Variants in FBXL18 observed in about 807,000 individuals in gnomAD.
FBXL18 encodes the protein F-box/LRR-repeat protein 18.
In FBXL18, 36 loss-of-function variants were observed where a neutral mutation model predicts 46.0. That is an observed-to-expected ratio of 0.78 (90% CI 0.60 to 1.03). The LOEUF (loss-of-function observed/expected upper bound fraction) is 1.03. Ranked by LOEUF, FBXL18 falls within the 50% of genes least tolerant of loss-of-function variation. The probability of loss-of-function intolerance (pLI) is 0.00; values close to 1 mark genes in which losing one functional copy is unlikely to be tolerated. For missense variants in FBXL18, 977 were observed against 1,004.1 expected, an observed-to-expected ratio of 0.97 and a Z score of 0.36; for synonymous variants, 557 against 465.3, an observed-to-expected ratio of 1.20 and a Z score of -2.54.
chr7:5,482,738 T>C (rs1281153104), intron 4 of FBXL18, among the ~76,000 whole-genome samples: 3 of 150,542 alleles, frequency 2.0e-5, no homozygotes, highest in Non-Finnish European at 4.4e-5. Flanking sequence ...CTGGCCCTCC[T>C]AGGCCAAAAT....
intron 1 of FBXL18, among the ~76,000 whole-genome samples, chr7:5,507,578 G>A (rs1188780719): frequency 2.6e-5 from 4 of 152,182 alleles, no homozygotes; most frequent in Non-Finnish European, 4.4e-5. Context: ...ACCCACACCT[G>A]TAATCCCAGC....
chr7:5,458,817 T>C (rs1449045459), intron 4 of FBXL18, among the ~76,000 whole-genome samples: 1 of 151,940 alleles, frequency 6.6e-6, no homozygotes, highest in Non-Finnish European at 1.5e-5. Flanking sequence ...AGAGCAGAAA[T>C]GTCAACGCTG....
chr7:5,456,642 A>G (rs1381252387), intron 4 of FBXL18, among the ~76,000 whole-genome samples: 1 of 151,228 alleles, frequency 6.6e-6, no homozygotes, highest in African/African-American at 2.4e-5. Context: ...AGGTATGGAA[A>G]AAAAAAAAAA....
rs372438654 is a variant in FBXL18, at chr7:5,491,630, G to A, written c.1782-181C>T. Among the ~76,000 whole-genome samples the A allele has an allele frequency of 2.0e-5, 3 of 152,198 alleles. No homozygotes were observed. In the East Asian group the frequency reaches 5.8e-4, roughly 29 times the overall value. On this transcript the variant is annotated intron_variant, in intron 3 of 4. Coordinates refer to ENST00000382368, the MANE Select transcript of FBXL18 (RefSeq NM_024963.6). The stretch of plus-strand genomic sequence containing the variant: ...CTGGGTGCCGACTCAGGCCCCCAGG[G>A]TCCCCCTTGGAGATCTGATTTGGAG...
Position 5,462,950 on chromosome 7 carries a change from C to CAAAAAAAAAAAAAAAAAAAA in FBXL18, c.2001-15127_2001-15108dup, listed in dbSNP as rs138208570. Among the ~76,000 whole-genome samples, 5 of 22,380 alleles carry CAAAAAAAAAAAAAAAAAAAA rather than the reference C, an allele frequency of 2.2e-4. 2 individuals are homozygous for CAAAAAAAAAAAAAAAAAAAA. Among genetic ancestry groups the CAAAAAAAAAAAAAAAAAAAA allele is most frequent in the Non-Finnish European group, 2.8e-4 (3 of 10,668 alleles). 14.7% of individuals were successfully genotyped at this position (22,380 alleles called of 152,430 possible). On this transcript the variant is annotated intron_variant and NMD_transcript_variant, in intron 4 of 6. Transcript: ENST00000415009. ...TGGGCGACAGAGTGAGACTTGGTCT[C>CAAAAAAAAAAAAAAAAAAAA]AAAAAAAAAAAAAAAAAAAATATAT...
rs1474706600 is a variant in FBXL18, at chr7:5,476,449, C to G, written c.*5326G>C. ...CAGGCGGTTTTCCCGTAAACCGACC[C>G]CTTCAGCGTTTCTGCTTTTTGTTGT... is the stretch of plus-strand genomic sequence containing the variant. On this transcript the variant is annotated 3_prime_UTR_variant, in exon 5 of 5. Coordinates refer to ENST00000382368, the MANE Select transcript of FBXL18 (RefSeq NM_024963.6). 6.6e-6 allele frequency: 1 copy of G among 152,148 alleles called. No individual in the cohort carries two copies. The highest frequency in any genetic ancestry group is 2.4e-5 in the African/African-American group (1 of 41,404). 9.4% of individuals were successfully genotyped at this position (152,148 alleles called of 1,614,324 possible). A position where few individuals can be genotyped will look rare whatever the true frequency, so the allele number is the denominator to read the frequency against.
downstream of FBXL18, among the ~76,000 whole-genome samples, chr7:5,472,001 T>C (rs1783434847): frequency 1.3e-5 from 2 of 152,052 alleles, no homozygotes; most frequent in African/African-American, 4.8e-5. Context: ...GGCAGGAAGA[T>C]CACTCAAGCC....
intron 3 of FBXL18, among the ~76,000 whole-genome samples, chr7:5,495,308 C>G (rs1042150492): frequency 6.6e-6 from 1 of 152,056 alleles, no homozygotes; most frequent in Non-Finnish European, 1.5e-5. Context: ...CGAGGTGTCC[C>G]TAGGGTGGCT....
At chr7:5,495,143 C>G (rs1047773505) in intron 3 of FBXL18, among the ~76,000 whole-genome samples, 18 of 152,288 alleles carry the variant, frequency 1.2e-4, no homozygotes, top group Admixed American at 9.8e-4. Context: ...CCGGGCCTCA[C>G]CTTTGAGTGA....
rs1229749669 is a variant in FBXL18 at position 5,501,047 on chromosome 7, G to C, written c.1222C>G (p.Leu408Val). Reference protein sequence around the residue: ...SEGLGRHLCQLLARLRHLRSL... With the variant: ...SEGLGRHLCQVLARLRHLRSL... ...CGCAGGTGACGCAGCCGGGCCAGGA[G>C]CTGGCAGAGGTGGCGGCCCAGGCCC... The change falls in exon 3 of 5, where the codon CTC becomes GTC. Residue 408 changes from leucine (L) to valine (V), a missense_variant. Physicochemically the swap from Leu to Val is conservative, Grantham distance 32 (BLOSUM62 1). Coordinates refer to ENST00000382368, the MANE Select transcript of FBXL18 (RefSeq NM_024963.6). 2 of 1,607,844 alleles carry C rather than the reference G, an allele frequency of 1.2e-6. No homozygotes were observed. Among genetic ancestry groups the C allele is most frequent in the Non-Finnish European group, 8.5e-7 (1 of 1,178,532 alleles).
intron 4 of FBXL18, among the ~76,000 whole-genome samples, chr7:5,457,716 A>C (rs1245702364): frequency 6.6e-6 from 1 of 152,234 alleles, no homozygotes; most frequent in African/African-American, 2.4e-5. Context: ...GTGGTGCCCC[A>C]AGTGGCCCCC....
intron 1 of FBXL18, among the ~76,000 whole-genome samples, chr7:5,512,658 G>C (rs1237437692): frequency 2.0e-5 from 3 of 152,152 alleles, no homozygotes; most frequent in South Asian, 4.1e-4. Flanking sequence ...CTGTAATTCT[G>C]TAAGACCAAG....
chr7:5,500,100 A>AG (rs1423253678), intron 3 of FBXL18, among the ~76,000 whole-genome samples: 1 of 150,870 alleles, frequency 6.6e-6, no homozygotes, highest in African/African-American at 2.4e-5. Context: ...AAATTAAAAA[A>AG]AAAAAAGGAA....
At chr7:5,494,557 GT>G (rs1784023581) in intron 3 of FBXL18, among the ~76,000 whole-genome samples, 1 of 152,114 alleles carries the variant, frequency 6.6e-6, no homozygotes, top group African/African-American at 2.4e-5. Flanking sequence ...GTAATAAAAT[GT>G]TTTCATTACG....
chr7:5,502,088 T>A, intron 2 of FBXL18, 57 bp from the exon 3 acceptor site: 1 of 1,278,046 alleles, frequency 7.8e-7, no homozygotes, highest in Non-Finnish European at 1.1e-6. Context: ...CACCTACGGG[T>A]CTCCAACCCT....
Position 5,462,964 on chromosome 7 carries a change from AAAAAAAT to A in FBXL18, c.2001-15128_2001-15122del, listed in dbSNP as rs1247231834. Among the ~76,000 whole-genome samples the A allele has an allele frequency of 4.9e-3, 119 of 24,250 alleles. 1 individual carries two copies. The highest frequency in any genetic ancestry group is 8.9e-3 in the African/African-American group (96 of 10,738). The allele number at this position is 24,250 out of a possible 152,430, so 15.9% of individuals were successfully genotyped here. On this transcript the variant is annotated intron_variant and NMD_transcript_variant, in intron 4 of 6. Transcript: ENST00000415009. ...AGACTTGGTCTCAAAAAAAAAAAAA[AAAAAAAT>A]ATATATATATATATATATATATATA...
intron 4 of FBXL18, among the ~76,000 whole-genome samples, chr7:5,485,919 C>T (rs1428786001): frequency 1.1e-4 from 16 of 151,852 alleles, no homozygotes; most frequent in Non-Finnish European, 2.2e-4. Flanking sequence ...ATTAGCCGGG[C>T]GTGGTGGCAC....
chr7:5,494,673 C>T (rs895313237), intron 3 of FBXL18, among the ~76,000 whole-genome samples: 1 of 152,128 alleles, frequency 6.6e-6, no homozygotes, highest in South Asian at 2.1e-4. Flanking sequence ...GTGCAGGCGC[C>T]GCACCTGCTG....
Position 5,478,078 on chromosome 7 carries a change from C to T in FBXL18, c.*3697G>A, listed in dbSNP as rs1336840809. 2 of 152,416 alleles carry T rather than the reference C, an allele frequency of 1.3e-5. No homozygotes were observed. Among genetic ancestry groups the T allele is most frequent in the African/African-American group, 4.8e-5 (2 of 41,458 alleles). The allele number at this position is 152,416 out of a possible 1,614,324, so 9.4% of individuals were successfully genotyped here. ...GGGCGCTGCTGAGCTGGCAGGCAACCCTTGTGTGTTTGCAGCGCAAGAGGA... is the reference window on the plus strand; with the variant it reads ...GGGCGCTGCTGAGCTGGCAGGCAACTCTTGTGTGTTTGCAGCGCAAGAGGA... On this transcript the variant is annotated 3_prime_UTR_variant, in exon 5 of 5. Coordinates refer to ENST00000382368, the MANE Select transcript of FBXL18 (RefSeq NM_024963.6).
Sources: allele counts gnomAD v4.1 joint callset (sites outside exome capture counted in the v4.1 genomes callset), GRCh38; gene constraint gnomAD v4.1.1; transcripts MANE v1.5; gene names NCBI Gene and HGNC (gene_info 2026-07-23, HGNC 2026-07-21).